ITPK1: variants seen among roughly 807,000 people sequenced by gnomAD.
ITPK1 encodes inositol-tetrakisphosphate 1-kinase.
ITPK1 carries 21 observed loss-of-function variants against 45.3 expected under a neutral mutation model. That is an observed-to-expected ratio of 0.46 (90% confidence interval 0.33 to 0.67). ITPK1 has a LOEUF of 0.67. Among genes scored for constraint, ITPK1 ranks in the 30% least tolerant of loss-of-function variants. ITPK1 has a pLI of 0.02. For synonymous variants in ITPK1, 258 were observed against 253.6 expected, an observed-to-expected ratio of 1.02 and a Z score of -0.16; for missense variants, 474 against 573.5, an observed-to-expected ratio of 0.83 and a Z score of 1.77.
chr14:93,083,312 T>C (rs915900042), intron 2 of ITPK1, among the ~76,000 whole-genome samples: 3 of 152,014 alleles, frequency 2.0e-5, no homozygotes, highest in Admixed American at 6.5e-5. Flanking sequence ...GCAGCAGGCA[T>C]GGGATGTGCT....
chr14:93,108,739 G>A (rs901838795), intron 2 of ITPK1, among the ~76,000 whole-genome samples: 5 of 152,216 alleles, frequency 3.3e-5, no homozygotes, highest in African/African-American at 9.6e-5. Context: ...AAAGCTGGGC[G>A]TAGTGGCTCA....
chr14:92,968,132 C>T lies in ITPK1; in HGVS notation c.365-5283G>A, dbSNP rs187063490. Among the ~76,000 whole-genome samples, 119 of 152,234 alleles carry T rather than the reference C, an allele frequency of 7.8e-4. 1 individual carries two copies. The highest frequency in any genetic ancestry group is 2.7e-3 in the African/African-American group (114 of 41,546). On this transcript the variant is annotated intron_variant, in intron 5 of 10. Transcript: ENST00000267615. ...ATCACCTGAAGTCAGGAGTTTGAGACCAGCCTGGCCAACATGGTGAAACCC... is the reference window on the plus strand; with the variant it reads ...ATCACCTGAAGTCAGGAGTTTGAGATCAGCCTGGCCAACATGGTGAAACCC...
rs1460035545 is a variant in ITPK1 at position 92,937,937 on chromosome 14, A to G, written c.*3624T>C. 1 of 156,152 alleles carries G rather than the reference A, an allele frequency of 6.4e-6. No individual in the cohort carries two copies. The highest frequency in any genetic ancestry group is 1.4e-5 in the Non-Finnish European group (1 of 70,988). The allele number at this position is 156,152 out of a possible 1,614,324, so 9.7% of individuals were successfully genotyped here. A position where few individuals can be genotyped will look rare whatever the true frequency, so the allele number is the denominator to read the frequency against. On this transcript the variant is annotated 3_prime_UTR_variant, in exon 11 of 11. Coordinates refer to ENST00000267615, the MANE Select transcript of ITPK1 (RefSeq NM_014216.6). ...AGGAGAAGGAGCTGCCGGGGATCCC[A>G]CCGGGTGAATGATCAGAGTTTGTTT...
intron 5 of ITPK1, among the ~76,000 whole-genome samples, chr14:92,963,277 T>G (rs922093673): frequency 6.6e-6 from 1 of 152,238 alleles, no homozygotes; most frequent in Admixed American, 6.5e-5. Flanking sequence ...CACCATGTGA[T>G]ACACTGGCTT....
intron 3 of ITPK1, among the ~76,000 whole-genome samples, chr14:93,075,326 CAAAAAAAAAAAAAAAAAAAAAAAA>C (rs58089863): frequency 1.9e-5 from 1 of 53,962 alleles, no homozygotes. Context: ...GACTCCTTCT[CAAAAAAAAAAAAAAAAAAAAAAAA>C]AAAAAAAAAA....
chr14:92,966,401 A>C (rs1396903160), intron 5 of ITPK1, among the ~76,000 whole-genome samples: 1 of 152,242 alleles, frequency 6.6e-6, no homozygotes. Context: ...TAAGTGTAAG[A>C]CTTAAACACT....
In ITPK1 at chr14:92,940,987, G is replaced by T; in HGVS notation, c.*574C>A. The T allele has an allele frequency of 1.6e-6, 2 of 1,275,658 alleles. No homozygotes were observed. The highest frequency in any genetic ancestry group is 2.0e-6 in the Non-Finnish European group (2 of 981,968). 79.0% of individuals were successfully genotyped at this position (1,275,658 alleles called of 1,614,324 possible). On this transcript the variant is annotated 3_prime_UTR_variant, in exon 11 of 11. Transcript: ENST00000267615. ...GCGGAACTCCCCTGAGGGGTCTGTG[G>T]CCTCCTCTGGCTGTGGGGAGGGAGG...
rs1248294836 is a variant in ITPK1 at position 93,076,343 on chromosome 14, C to G, written c.120+252G>C. On this transcript the variant is annotated intron_variant, in intron 3 of 10. Coordinates refer to ENST00000267615, the MANE Select transcript of ITPK1 (RefSeq NM_014216.6). This position sits in a 1 kb window ranked among gnomAD's most constrained non-coding sequence, Gnocchi z 4.3. ...ACCTGACCACTGCCATGCACACCCC[C>G]CTCAGGACTCCCAAACCAACCCTCT... is the stretch of plus-strand genomic sequence containing the variant. Among the ~76,000 whole-genome samples the G allele has an allele frequency of 6.6e-6, 1 of 152,132 alleles. No individual in the cohort carries two copies. The highest frequency in any genetic ancestry group is 1.5e-5 in the Non-Finnish European group (1 of 68,038).
At chr14:93,023,837 G>C (rs1447896063) in intron 3 of ITPK1, among the ~76,000 whole-genome samples, 1 of 152,126 alleles carries the variant, frequency 6.6e-6, no homozygotes, top group Non-Finnish European at 1.5e-5. Flanking sequence ...CAGCATCCTA[G>C]GAAAGCTCAC....
Position 93,049,256 on chromosome 14 carries a change from T to G in ITPK1, c.120+27339A>C, listed in dbSNP as rs139641452. ...GAAAGTCAGCAATACACAAGAATCC[T>G]GTGTGGAAGGCCTCCTGCATGCAGG... On this transcript the variant is annotated intron_variant, in intron 3 of 10. Coordinates refer to ENST00000267615, the MANE Select transcript of ITPK1 (RefSeq NM_014216.6). 4.2e-3 allele frequency among the ~76,000 whole-genome samples: 640 copies of G among 152,330 alleles called. 8 individuals carry two copies. The highest frequency in any genetic ancestry group is 0.015 in the African/African-American group (612 of 41,564).
chr14:93,079,359 C>T (rs959708964), intron 2 of ITPK1, among the ~76,000 whole-genome samples: 1 of 152,234 alleles, frequency 6.6e-6, no homozygotes, highest in Non-Finnish European at 1.5e-5. Flanking sequence ...TCACCACTCA[C>T]CAATACCTTC....
At chr14:93,059,575 A>C (rs1595177646) in intron 3 of ITPK1, among the ~76,000 whole-genome samples, 2 of 26,782 alleles carry the variant, frequency 7.5e-5, no homozygotes, top group African/African-American at 1.8e-4. Context: ...GGTGCAGGTC[A>C]CAAGGCAGGG....
intron 3 of ITPK1, chr14:93,069,822 G>C (rs913300694): frequency 6.6e-6 from 1 of 152,234 alleles, no homozygotes; most frequent in African/African-American, 2.4e-5. Flanking sequence ...TCTGGTGCAG[G>C]AAGGGGTAAA....
chr14:93,097,123 G>A (rs567499895), intron 2 of ITPK1, among the ~76,000 whole-genome samples: 15 of 152,318 alleles, frequency 9.8e-5, no homozygotes, highest in African/African-American at 3.4e-4. Flanking sequence ...ACTAATTTGG[G>A]AAAGGTCTAT....
In ITPK1 at chr14:92,958,468, T is replaced by C. The variant is rs1340502983; in HGVS notation, c.505-102A>G. 5.3e-6 allele frequency: 6 copies of C among 1,137,966 alleles called. No individual in the cohort carries two copies. Among genetic ancestry groups the C allele is most frequent in the Non-Finnish European group, 7.7e-6 (6 of 779,680 alleles). The allele number at this position is 1,137,966 out of a possible 1,614,324, so 70.5% of individuals were successfully genotyped here. A position where few individuals can be genotyped will look rare whatever the true frequency, so the allele number is the denominator to read the frequency against. On this transcript the variant is annotated intron_variant, in intron 7 of 10. Coordinates refer to ENST00000267615, the MANE Select transcript of ITPK1 (RefSeq NM_014216.6). This position sits in a 1 kb window ranked among gnomAD's most constrained non-coding sequence, Gnocchi z 4.4. Reference sequence around the variant, plus strand: ...TCCAGAGCACCTCCACCAAGGCCCATCCCTGGTCCTGTGGCATGAGGACTC... The same window carrying C: ...TCCAGAGCACCTCCACCAAGGCCCACCCCTGGTCCTGTGGCATGAGGACTC...
intron 9 of ITPK1, among the ~76,000 whole-genome samples, chr14:92,948,377 A>T (rs1887783561): frequency 6.6e-6 from 1 of 152,186 alleles, no homozygotes; most frequent in Admixed American, 6.5e-5. Context: ...ATTTAGAGAC[A>T]ATGTTTCACT....
At chr14:93,107,716 C>T (rs972445285) in intron 2 of ITPK1, among the ~76,000 whole-genome samples, 1 of 152,184 alleles carries the variant, frequency 6.6e-6, no homozygotes, top group Non-Finnish European at 1.5e-5. Context: ...CACGGCTCCA[C>T]GGGATCTCTG....
At chr14:93,079,970 C>T (rs375170312) in intron 2 of ITPK1, among the ~76,000 whole-genome samples, 17 of 152,330 alleles carry the variant, frequency 1.1e-4, no homozygotes, top group Admixed American at 5.9e-4. Context: ...AATTACCAAA[C>T]TGTATGTGAT....
chr14:93,083,420 C>T (rs1891521350), intron 2 of ITPK1, among the ~76,000 whole-genome samples: 1 of 152,128 alleles, frequency 6.6e-6, no homozygotes, highest in Non-Finnish European at 1.5e-5. Flanking sequence ...GACCTGAGCG[C>T]TGCAGCAAGT....
Sources: allele counts gnomAD v4.1 joint callset (sites outside exome capture counted in the v4.1 genomes callset), GRCh38; gene constraint gnomAD v4.1.1; non-coding constraint Gnocchi (gnomAD v3.1); transcripts MANE v1.5; gene names NCBI Gene and HGNC (gene_info 2026-07-23, HGNC 2026-07-21).